Variants in XCR1 observed in about 807,000 individuals in gnomAD.
XCR1 encodes chemokine XC receptor 1.
For missense variants in XCR1, 356 were observed against 424.2 expected (o/e 0.84, Z 1.41); for synonymous variants, 187 against 188.5 (o/e 0.99, Z 0.06).
At chr3:46,023,723 A>G (rs759372432) in intron 1 of XCR1, 31 of 1,535,858 alleles carry the variant, frequency 2.0e-5, no homozygotes, top group Non-Finnish European at 2.7e-5. Context: ...ACACTACTAT[A>G]TTTACTTCAG....
intron 4 of XCR1, among the ~76,000 whole-genome samples, chr3:46,063,075 G>A (rs1697995772): frequency 6.6e-6 from 1 of 152,184 alleles, no homozygotes; most frequent in East Asian, 1.9e-4. Flanking sequence ...CATTTTCTTA[G>A]AATTGCTATT....
chr3:46,062,771 G>A (rs1240214096), intron 4 of XCR1, among the ~76,000 whole-genome samples: 3 of 152,262 alleles, frequency 2.0e-5, no homozygotes, highest in Non-Finnish European at 4.4e-5. Flanking sequence ...GAAAGGAGCA[G>A]AAAGGAGGTT....
At chr3:46,027,875 G>C (rs112576291), upstream of XCR1, 2 of 151,894 alleles carry the variant, frequency 1.3e-5, no homozygotes, top group African/African-American at 2.4e-5. Flanking sequence ...TTAGCTGCTC[G>C]CCAAATTTTC....
At chr3:46,071,051 G>C (rs1474077104) in intron 3 of XCR1, among the ~76,000 whole-genome samples, 2 of 151,936 alleles carry the variant, frequency 1.3e-5, no homozygotes, top group African/African-American at 4.8e-5. Flanking sequence ...GAAGAGAGGA[G>C]ATCCAAATAA....
At position 46,021,644 on chromosome 3, in the gene XCR1, A is replaced by G; in HGVS notation, c.304T>C (p.Cys102Arg). 1 of 1,613,960 alleles carries G rather than the reference A, an allele frequency of 6.2e-7. No individual in the cohort carries two copies. Among genetic ancestry groups the G allele is most frequent in the South Asian group, 1.1e-5 (1 of 91,032 alleles). Residue 102 changes from cysteine to arginine, a missense_variant, in exon 2 of 2, where the codon TGC becomes CGC. Coordinates refer to ENST00000309285, the MANE Select transcript of XCR1 (RefSeq NM_001024644.2). This position sits in a 1 kb window ranked among gnomAD's most constrained non-coding sequence, Gnocchi z 4.7. Reference sequence around the variant, plus strand: ...GAGAAGATCATATTGAGGAGTTTGCAGAGGAAGTCTCCCAGCACCCAGCCC... The same window carrying G: ...GAGAAGATCATATTGAGGAGTTTGCGGAGGAAGTCTCCCAGCACCCAGCCC... ...HWGWVLGDFL[C>R]KLLNMIFSIS...
intron 5 of XCR1, among the ~76,000 whole-genome samples, chr3:46,050,731 G>A (rs183361301): frequency 7.2e-5 from 11 of 152,258 alleles, no homozygotes; most frequent in Non-Finnish European, 7.4e-5. Context: ...CACAGAGAAG[G>A]CAAATAGAGG....
rs370068088 is a variant in XCR1 at position 46,021,791 on chromosome 3, G to A, written c.157C>T (p.Leu53=). ...CTCTCATACTTCACCAGGACCCACA[G>A]GACCAGGCTGTTGCCCACTAGGCTG... ...LLSLVGNSLV[L]WVLVKYESLE... Residue 53 remains leucine, a synonymous_variant, in exon 2 of 2, where the codon CTG becomes TTG. Transcript: ENST00000309285. The surrounding 1 kb of genome is among the most constrained non-coding windows in gnomAD (Gnocchi z 4.7). 4 of 1,614,038 alleles carry A rather than the reference G, an allele frequency of 2.5e-6. No homozygotes were observed. In the African/African-American group the frequency reaches 4.0e-5, roughly 16 times the overall value.
At chr3:46,023,666 A>G (rs2125893626) in intron 1 of XCR1, 5 of 1,427,454 alleles carry the variant, frequency 3.5e-6, no homozygotes, top group Non-Finnish European at 4.9e-6. Flanking sequence ...CCTTCTTCAG[A>G]GAAACGCCTG....
chr3:46,072,170 C>G (rs1698174177), intron 3 of XCR1, among the ~76,000 whole-genome samples: 1 of 152,104 alleles, frequency 6.6e-6, no homozygotes, highest in South Asian at 2.1e-4. Context: ...AGCTGAGAAC[C>G]AAATCAAGAC....
intron 1 of XCR1, among the ~76,000 whole-genome samples, chr3:46,025,084 A>G (rs1708258699): frequency 6.6e-6 from 1 of 152,264 alleles, no homozygotes; most frequent in Non-Finnish European, 1.5e-5. Flanking sequence ...ATTAGAAAGA[A>G]TAAACGTCTA....
intron 5 of XCR1, among the ~76,000 whole-genome samples, chr3:46,033,847 T>C (rs1305327054): frequency 6.6e-6 from 1 of 152,214 alleles, no homozygotes; most frequent in East Asian, 1.9e-4. Context: ...TTTATAGAGT[T>C]TTATAGTTTT....
intron 1 of XCR1, among the ~76,000 whole-genome samples, chr3:46,081,176 A>G (rs1698355826): frequency 6.6e-6 from 1 of 152,218 alleles, no homozygotes; most frequent in Non-Finnish European, 1.5e-5. Context: ...TCCATTTGCA[A>G]CATTTGGCCT....
intron 5 of XCR1, among the ~76,000 whole-genome samples, chr3:46,035,871 G>A (rs1227602188): frequency 1.3e-5 from 2 of 152,018 alleles, no homozygotes. Context: ...GCAAGTGAGT[G>A]TCTTTTGTGG....
rs565193378 is a variant in XCR1, at chr3:46,018,230, A to T, written c.*2716T>A. The T allele has an allele frequency of 3.3e-5, 5 of 152,224 alleles. No homozygotes were observed. The highest frequency in any genetic ancestry group is 6.5e-5 in the Admixed American group (1 of 15,288). The allele number at this position is 152,224 out of a possible 1,614,324, so 9.4% of individuals were successfully genotyped here. ...AGAAATACAAGAGAAGCATCTTGGG[A>T]TGGGTAGGAATGGGATGGCATGGGG... On this transcript the variant is annotated 3_prime_UTR_variant, in exon 2 of 2. Transcript: ENST00000309285.
intron 5 of XCR1, among the ~76,000 whole-genome samples, chr3:46,046,275 G>A (rs1169032498): frequency 1.3e-5 from 2 of 152,192 alleles, no homozygotes; most frequent in Admixed American, 1.3e-4. Flanking sequence ...GTGGACAAGG[G>A]CCCTGAGCTT....
chr3:46,064,814 G>A (rs569969820), intron 4 of XCR1, among the ~76,000 whole-genome samples: 5 of 152,298 alleles, frequency 3.3e-5, no homozygotes, highest in South Asian at 2.1e-4. Context: ...TACCCAGGGC[G>A]GGTGCAGTGG....
At chr3:46,066,640 A>G (rs567924983) in intron 4 of XCR1, among the ~76,000 whole-genome samples, 43 of 152,332 alleles carry the variant, frequency 2.8e-4, no homozygotes, top group Admixed American at 7.8e-4. Context: ...CTGTAGAAAC[A>G]GAAGCTCTTT....
intron 4 of XCR1, among the ~76,000 whole-genome samples, chr3:46,058,210 T>C (rs1697890313): frequency 6.6e-6 from 1 of 152,232 alleles, no homozygotes; most frequent in Non-Finnish European, 1.5e-5. Flanking sequence ...TGGCAAAATA[T>C]TCCTGGATAT....
intron 1 of XCR1, among the ~76,000 whole-genome samples, chr3:46,080,276 G>A (rs1282171561): frequency 6.6e-6 from 1 of 151,980 alleles, no homozygotes; most frequent in African/African-American, 2.4e-5. Context: ...AAAATTCCTG[G>A]TCATGCCAAA....
Sources: allele counts gnomAD v4.1 joint callset (sites outside exome capture counted in the v4.1 genomes callset), GRCh38; gene constraint gnomAD v4.1.1; non-coding constraint Gnocchi (gnomAD v3.1); transcripts MANE v1.5; gene names NCBI Gene and HGNC (gene_info 2026-07-23, HGNC 2026-07-21).